THRB: variants seen among roughly 807,000 people sequenced by gnomAD.
THRB encodes thyroid hormone receptor beta.
In THRB, 12 loss-of-function variants were observed where a neutral mutation model predicts 47.8. That is an observed-to-expected ratio of 0.25 (90% CI 0.16 to 0.41). THRB has a LOEUF of 0.41. Among genes scored for constraint, THRB ranks in the 10% least tolerant of loss-of-function variants. The pLI is 1.00. For missense variants in THRB, 348 were observed against 589.2 expected (o/e 0.59, Z 4.24); for synonymous variants, 218 against 212.2 (o/e 1.03, Z -0.24).
intron 1 of THRB, among the ~76,000 whole-genome samples, chr3:24,406,500 T>A (rs1036571321): frequency 6.6e-6 from 1 of 151,802 alleles, no homozygotes; most frequent in Non-Finnish European, 1.5e-5. Context: ...GGTTTGTTAT[T>A]GTTTATAATG....
chr3:24,330,630 C>A (rs1476966087), intron 2 of THRB, among the ~76,000 whole-genome samples: 2 of 152,152 alleles, frequency 1.3e-5, no homozygotes, highest in African/African-American at 4.8e-5. Flanking sequence ...AGTGTGTAGG[C>A]ATCTACTTAT....
At chr3:24,249,655 A>C (rs1158917101) in intron 3 of THRB, among the ~76,000 whole-genome samples, 1 of 152,208 alleles carries the variant, frequency 6.6e-6, no homozygotes, top group Non-Finnish European at 1.5e-5. Context: ...ATCTGTACAC[A>C]TTCAGGAGGA....
At chr3:24,296,885 C>T (rs182332905) in intron 3 of THRB, among the ~76,000 whole-genome samples, 5 of 152,324 alleles carry the variant, frequency 3.3e-5, no homozygotes. Context: ...CCGAAGAGCC[C>T]TTTAGCAAGG....
intron 4 of THRB, among the ~76,000 whole-genome samples, chr3:24,226,332 T>C (rs74897593): frequency 0.045 from 6,798 of 152,286 alleles, 207 homozygotes; most frequent in East Asian, 0.1. Context: ...TTAAAACATG[T>C]ACCCCTGAGC....
chr3:24,401,860 T>G (rs1265135768), intron 1 of THRB, among the ~76,000 whole-genome samples: 2 of 151,922 alleles, frequency 1.3e-5, no homozygotes, highest in African/African-American at 4.8e-5. Context: ...TTAAAAAAGC[T>G]CACCCAAAGA....
chr3:24,477,464 G>A (rs993423433), intron 1 of THRB, among the ~76,000 whole-genome samples: 19 of 152,064 alleles, frequency 1.2e-4, no homozygotes, highest in African/African-American at 4.6e-4. Context: ...TTGTTTAAAT[G>A]CAGATCCCGG....
chr3:24,453,555 C>T (rs551369507), intron 1 of THRB, among the ~76,000 whole-genome samples: 4 of 152,314 alleles, frequency 2.6e-5, no homozygotes, highest in African/African-American at 9.6e-5. Context: ...CCCAAGTGGT[C>T]GTCTTGGTTC....
At chr3:24,214,427 TAGGC>T (rs1468748366) in intron 4 of THRB, among the ~76,000 whole-genome samples, 1 of 152,008 alleles carries the variant, frequency 6.6e-6, no homozygotes, top group Non-Finnish European at 1.5e-5. Context: ...GAGGAAAAAA[TAGGC>T]AGGCTATCAA....
intron 1 of THRB, among the ~76,000 whole-genome samples, chr3:24,475,016 C>T (rs761068017): frequency 6.6e-6 from 1 of 152,210 alleles, no homozygotes; most frequent in East Asian, 1.9e-4. Context: ...CACACTAATA[C>T]GTGGCATTCT....
chr3:24,127,380 G>A, intron 10 of THRB, 119 bp downstream of exon 10: 1 of 1,106,544 alleles, frequency 9.0e-7, no homozygotes, highest in Admixed American at 2.0e-5. Context: ...ATTTCTTACT[G>A]AAGAAGAGTG....
intron 1 of THRB, among the ~76,000 whole-genome samples, chr3:24,358,989 A>C (rs2063883772): frequency 6.6e-6 from 1 of 152,134 alleles, no homozygotes; most frequent in African/African-American, 2.4e-5. Context: ...AATGAATGTG[A>C]CTCTTATACT....
At chr3:24,402,499 CTTTTTT>C (rs60751951) in intron 1 of THRB, among the ~76,000 whole-genome samples, 1 of 134,814 alleles carries the variant, frequency 7.4e-6, no homozygotes, top group Non-Finnish European at 1.6e-5. Flanking sequence ...TTCTTTCTTC[CTTTTTT>C]TTTTTTTTTT....
At chr3:24,143,136 T>C (rs2035657496) in intron 8 of THRB, among the ~76,000 whole-genome samples, 1 of 152,190 alleles carries the variant, frequency 6.6e-6, no homozygotes, top group South Asian at 2.1e-4. Flanking sequence ...ACTAAATATG[T>C]ATATACTGGG....
intron 1 of THRB, among the ~76,000 whole-genome samples, chr3:24,486,195 C>A (rs190559742): frequency 6.6e-6 from 1 of 152,188 alleles, no homozygotes; most frequent in Admixed American, 6.5e-5. Context: ...GTAATATATA[C>A]GACAGCCCTC....
chr3:24,229,008 G>A lies in THRB; in HGVS notation c.-42-7C>T. 1 of 1,500,078 alleles carries A rather than the reference G, an allele frequency of 6.7e-7. No homozygotes were observed. The highest frequency in any genetic ancestry group is 9.1e-7 in the Non-Finnish European group (1 of 1,094,804). 92.9% of individuals were successfully genotyped at this position (1,500,078 alleles called of 1,614,324 possible). ...CTTTTTTCACTGACATCTCCTACAAGGAAAAAATACAAAAAAAATCACAGA... is the reference window on the plus strand; with the variant it reads ...CTTTTTTCACTGACATCTCCTACAAAGAAAAAATACAAAAAAAATCACAGA... On this transcript the variant is annotated splice_region_variant and splice_polypyrimidine_tract_variant and intron_variant, in intron 3 of 10. Coordinates refer to ENST00000646209, the MANE Select transcript of THRB (RefSeq NM_001354712.2).
Position 24,123,098 on chromosome 3 carries a change from C to T in THRB, c.1172G>A (p.Arg391Lys), listed in dbSNP as rs571038850. Residue 391 changes from arginine (R) to lysine (K), a missense_variant, in exon 11 of 11, where the codon AGA becomes AAA. This residue lies in a region of THRB where 36 missense variants were observed against 51.7 expected (regional missense o/e 0.70). Transcript: ENST00000646209. ...SDRPGLACVE[R>K]IEKYQDSFLL... ...GAAACTATCTTGGTACTTTTCTATT[C>T]TCTCAACACAGGCAAGCCCCGGGCG... 7.4e-6 allele frequency: 12 copies of T among 1,614,156 alleles called. No individual in the cohort carries two copies. In the South Asian group the frequency reaches 1.2e-4, roughly 16 times the overall value.
intron 5 of THRB, among the ~76,000 whole-genome samples, chr3:24,180,290 G>A (rs545783229): frequency 4.6e-5 from 7 of 152,250 alleles, no homozygotes; most frequent in African/African-American, 1.7e-4. Flanking sequence ...ACTATGGGTG[G>A]TTGGGGTACA....
rs562954406 is a variant in THRB, at chr3:24,171,619, T to C, written c.283+18455A>G. ...TGCTTTGACTGTATCATTTCTCCTA[T>C]TGTAGGTGGGGCCTTTATTTTCCCA... On this transcript the variant is annotated intron_variant, in intron 5 of 10. Coordinates refer to ENST00000646209, the MANE Select transcript of THRB (RefSeq NM_001354712.2). 6.6e-5 allele frequency among the ~76,000 whole-genome samples: 10 copies of C among 152,250 alleles called. No individual in the cohort carries two copies. In the South Asian group the frequency reaches 1.4e-3, roughly 22 times the overall value.
intron 2 of THRB, among the ~76,000 whole-genome samples, chr3:24,314,176 G>T (rs1486743302): frequency 6.6e-6 from 1 of 152,224 alleles, no homozygotes; most frequent in African/African-American, 2.4e-5. Flanking sequence ...AGGGTTTAAT[G>T]ATTTGTCTGA....
Sources: allele counts gnomAD v4.1 joint callset (sites outside exome capture counted in the v4.1 genomes callset), GRCh38; gene constraint gnomAD v4.1.1; regional missense constraint gnomAD v4.1.1; transcripts MANE v1.5; gene names NCBI Gene and HGNC (gene_info 2026-07-23, HGNC 2026-07-21).